PAQR5: variants seen among roughly 807,000 people sequenced by gnomAD.
PAQR5 encodes the protein membrane progestin receptor gamma.
PAQR5 carries 20 observed loss-of-function variants against 34.5 expected under a neutral mutation model. The observed-to-expected ratio is 0.58, with a 90% CI of 0.41 to 0.84. The LOEUF is 0.84. Ranked by LOEUF, PAQR5 falls within the 40% of genes least tolerant of loss-of-function variation. The probability of loss-of-function intolerance (pLI) is 0.00; values close to 1 mark genes in which losing one functional copy is unlikely to be tolerated. For missense variants in PAQR5, 378 were observed against 412.7 expected (o/e 0.92, Z 0.73); for synonymous variants, 131 against 155.6 (o/e 0.84, Z 1.18).
chr15:69,304,018 G>A (rs1353510268), intron 1 of PAQR5, among the ~76,000 whole-genome samples: 3 of 152,196 alleles, frequency 2.0e-5, no homozygotes, highest in Non-Finnish European at 2.9e-5. Context: ...AGGATATGTA[G>A]GAGTTTTCAA....
At chr15:69,338,611 G>C (rs1055692580) in intron 2 of PAQR5, among the ~76,000 whole-genome samples, 5 of 152,204 alleles carry the variant, frequency 3.3e-5, no homozygotes, top group Non-Finnish European at 4.4e-5. Context: ...GAAGAAGCCA[G>C]AGCGATTGAC....
In PAQR5 at chr15:69,405,503, A is replaced by T. The variant is rs1370644530; in HGVS notation, c.*1681A>T. ...GGTAAATTTTTGGTACATTAATTGC[A>T]AGCTGCATGACAAAATTTGTTTTTC... On this transcript the variant is annotated 3_prime_UTR_variant, in exon 9 of 9. Transcript: ENST00000395407. The T allele has an allele frequency of 1.3e-5, 2 of 152,338 alleles. No individual in the cohort carries two copies. Among genetic ancestry groups the T allele is most frequent in the Non-Finnish European group, 2.9e-5 (2 of 68,118 alleles). 9.4% of individuals were successfully genotyped at this position (152,338 alleles called of 1,614,324 possible). A position where few individuals can be genotyped will look rare whatever the true frequency, so the allele number is the denominator to read the frequency against.
intron 1 of PAQR5, among the ~76,000 whole-genome samples, chr15:69,311,082 T>G (rs1595835215): frequency 1.4e-5 from 2 of 139,208 alleles, no homozygotes. Flanking sequence ...TGAGTGTTGA[T>G]GGAAGAGATT....
At chr15:69,309,546 T>C (rs1024902886) in intron 1 of PAQR5, among the ~76,000 whole-genome samples, 1 of 152,140 alleles carries the variant, frequency 6.6e-6, no homozygotes, top group Admixed American at 6.5e-5. Flanking sequence ...GTTTAGGATC[T>C]CACTGGGAAG....
chr15:69,364,661 G>A (rs201947403), intron 3 of PAQR5, among the ~76,000 whole-genome samples: 1 of 140,194 alleles, frequency 7.1e-6, no homozygotes, highest in Non-Finnish European at 1.6e-5. Context: ...GTGTGTGTGT[G>A]TATAAGTAAT....
intron 3 of PAQR5, among the ~76,000 whole-genome samples, chr15:69,373,497 GCT>G (rs1226732272): frequency 6.6e-6 from 1 of 152,148 alleles, no homozygotes; most frequent in East Asian, 1.9e-4. Context: ...CAGCGGAATT[GCT>G]CTGTTATTTC....
At chr15:69,323,912 C>T (rs1055361571) in intron 1 of PAQR5, among the ~76,000 whole-genome samples, 4 of 151,970 alleles carry the variant, frequency 2.6e-5, no homozygotes, top group African/African-American at 9.7e-5. Flanking sequence ...GTCATGACAC[C>T]GTTACCTGTC....
chr15:69,315,696 G>T (rs1566994004), intron 1 of PAQR5, among the ~76,000 whole-genome samples: 1 of 152,204 alleles, frequency 6.6e-6, no homozygotes, highest in African/African-American at 2.4e-5. Context: ...CTAAACTACA[G>T]AAGTTATTTC....
chr15:69,334,857 G>A (rs890806743), intron 1 of PAQR5, among the ~76,000 whole-genome samples: 4 of 152,226 alleles, frequency 2.6e-5, no homozygotes, highest in Admixed American at 2.6e-4. Flanking sequence ...GAAGGTTTAA[G>A]CAAAGGGAAA....
chr15:69,382,682 A>G (rs1223931779), intron 4 of PAQR5, among the ~76,000 whole-genome samples: 10 of 133,894 alleles, frequency 7.5e-5, no homozygotes, highest in African/African-American at 2.3e-4. Flanking sequence ...ATATATATAT[A>G]TATATATATA....
chr15:69,390,965 A>G (rs1219415154), intron 6 of PAQR5, among the ~76,000 whole-genome samples: 1 of 152,192 alleles, frequency 6.6e-6, no homozygotes, highest in Non-Finnish European at 1.5e-5. Context: ...TAAAATACTC[A>G]GGAAATCTCC....
At chr15:69,314,834 C>G (rs946613142) in intron 1 of PAQR5, 1 of 152,648 alleles carries the variant, frequency 6.6e-6, no homozygotes, top group Non-Finnish European at 1.5e-5. Context: ...GTTCCAGTGT[C>G]CTGCAGGTAT....
Position 69,387,204 on chromosome 15 carries a change from C to T in PAQR5, c.385+2322C>T, listed in dbSNP as rs867915950. ...GCCAGAAGCAGTCCAGACTGCTTAG[C>T]GGGGCGACTTCCTTGGCCCTCGGTT... On this transcript the variant is annotated intron_variant, in intron 5 of 8. Transcript: ENST00000395407. 6.6e-5 allele frequency among the ~76,000 whole-genome samples: 10 copies of T among 152,324 alleles called. No individual in the cohort carries two copies. In the South Asian group the frequency reaches 1.4e-3, roughly 22 times the overall value.
intron 8 of PAQR5, chr15:69,400,838 T>C (rs2056605319): frequency 6.5e-6 from 1 of 152,972 alleles, no homozygotes; most frequent in Admixed American, 6.5e-5. Context: ...GGCCAGGGGT[T>C]CAGGGTAGAG....
At chr15:69,353,171 A>T (rs528891343) in intron 2 of PAQR5, among the ~76,000 whole-genome samples, 1 of 152,338 alleles carries the variant, frequency 6.6e-6, no homozygotes, top group East Asian at 1.9e-4. Flanking sequence ...TGCCAGCAGC[A>T]GAGACCAACA....
At chr15:69,387,525 G>A (rs556937594) in intron 5 of PAQR5, among the ~76,000 whole-genome samples, 55 of 152,324 alleles carry the variant, frequency 3.6e-4, no homozygotes, top group African/African-American at 1.2e-3. Flanking sequence ...GGCCTTAGTC[G>A]GCATCTGAGG....
chr15:69,373,193 G>A (rs9635371), intron 3 of PAQR5, among the ~76,000 whole-genome samples: 144,190 of 152,154 alleles, frequency 0.95, 68,822 homozygotes, highest in South Asian at 1. Context: ...GGCCGACCTC[G>A]GTAAACAGAG....
intron 2 of PAQR5, among the ~76,000 whole-genome samples, chr15:69,337,913 A>T (rs1039861813): frequency 6.6e-5 from 10 of 151,900 alleles, no homozygotes; most frequent in Non-Finnish European, 5.9e-5. Flanking sequence ...TGTCTCTATT[A>T]AAAAAATACA....
intron 8 of PAQR5, among the ~76,000 whole-genome samples, chr15:69,401,707 G>C (rs768550979): frequency 4.8e-4 from 73 of 152,200 alleles, no homozygotes; most frequent in Non-Finnish European, 9.3e-4. Context: ...GTTCATGACA[G>C]ATCATTAACA....
Sources: gnomAD v4.1 joint callset for allele counts (sites outside exome capture counted in the v4.1 genomes callset) on GRCh38, gnomAD v4.1.1 for gene constraint, MANE v1.5 for transcripts, NCBI Gene and HGNC (gene_info 2026-07-23, HGNC 2026-07-21) for gene names.